THEMIS: variants seen among roughly 807,000 people sequenced by gnomAD.
THEMIS encodes the protein protein THEMIS.
In THEMIS, 37 loss-of-function variants were observed where a neutral mutation model predicts 52.6. The observed-to-expected ratio is 0.70, with a 90% confidence interval of 0.54 to 0.93. The LOEUF is 0.93. THEMIS is among the 40% of genes least tolerant of loss of function. The pLI, the probability that THEMIS is intolerant of heterozygous loss-of-function variation, is 0.00. For missense variants in THEMIS, 808 were observed against 763.1 expected (o/e 1.06, Z -0.69); for synonymous variants, 292 against 272.7 (o/e 1.07, Z -0.70).
chr6:127,776,622 G>A (rs1271883305), intron 4 of THEMIS, among the ~76,000 whole-genome samples: 1 of 152,180 alleles, frequency 6.6e-6, no homozygotes, highest in African/African-American at 2.4e-5. Flanking sequence ...TAGAACCACC[G>A]AGTTAAGCTG....
intron 4 of THEMIS, among the ~76,000 whole-genome samples, chr6:127,737,568 G>A (rs1188238808): frequency 6.6e-6 from 1 of 152,138 alleles, no homozygotes; most frequent in Non-Finnish European, 1.5e-5. Context: ...TTGGCAAAGA[G>A]CTATGTAAAT....
chr6:127,704,743 A>C (rs1773778695), downstream of THEMIS, among the ~76,000 whole-genome samples: 1 of 152,142 alleles, frequency 6.6e-6, no homozygotes, highest in Admixed American at 6.5e-5. Context: ...AGATGATACA[A>C]ATGAGCTGTG....
At chr6:127,824,705 G>T (rs1473876459) in intron 3 of THEMIS, among the ~76,000 whole-genome samples, 9 of 152,164 alleles carry the variant, frequency 5.9e-5, no homozygotes, top group Non-Finnish European at 1.3e-4. Flanking sequence ...CACCGTGTTA[G>T]TCAGGATGGT....
intron 2 of THEMIS, among the ~76,000 whole-genome samples, chr6:127,847,244 C>T (rs1779249182): frequency 6.6e-6 from 1 of 151,976 alleles, no homozygotes; most frequent in African/African-American, 2.4e-5. Flanking sequence ...TGCCAACTTT[C>T]ACCACTTCTC....
chr6:127,856,945 T>C (rs1779638256), intron 1 of THEMIS, among the ~76,000 whole-genome samples: 1 of 151,960 alleles, frequency 6.6e-6, no homozygotes, highest in African/African-American at 2.4e-5. Flanking sequence ...TATACTTAAT[T>C]TTTTATGAGT....
At chr6:127,864,840 A>G (rs375453705) in intron 1 of THEMIS, among the ~76,000 whole-genome samples, 5 of 152,306 alleles carry the variant, frequency 3.3e-5, no homozygotes, top group Admixed American at 2.0e-4. Context: ...TAGAAGTCAG[A>G]AAAGCTGTTA....
chr6:127,816,075 C>T (rs1197969532), intron 3 of THEMIS, among the ~76,000 whole-genome samples: 7 of 152,156 alleles, frequency 4.6e-5, no homozygotes, highest in African/African-American at 1.4e-4. Flanking sequence ...TGAAATGATG[C>T]TAGCCTATCT....
chr6:127,902,979 C>A (rs895001236), upstream of THEMIS, among the ~76,000 whole-genome samples: 1 of 152,076 alleles, frequency 6.6e-6, no homozygotes, highest in Non-Finnish European at 1.5e-5. Flanking sequence ...CAATCTCTTA[C>A]AATTACCTAG....
chr6:127,755,369 A>G (rs1299244669), intron 4 of THEMIS, among the ~76,000 whole-genome samples: 1 of 152,224 alleles, frequency 6.6e-6, no homozygotes, highest in Admixed American at 6.5e-5. Context: ...CAACAGAAGA[A>G]TCAATGAACA....
intron 4 of THEMIS, among the ~76,000 whole-genome samples, chr6:127,759,408 C>A (rs2114377893): frequency 6.6e-6 from 1 of 152,198 alleles, no homozygotes; most frequent in East Asian, 1.9e-4. Context: ...ATTCAACTAC[C>A]CTCCAAGGGG....
intron 4 of THEMIS, among the ~76,000 whole-genome samples, chr6:127,810,139 T>C (rs937992710): frequency 3.9e-5 from 6 of 152,096 alleles, no homozygotes; most frequent in Non-Finnish European, 8.8e-5. Flanking sequence ...TCTCTCCTAA[T>C]AAAACACTTA....
intron 4 of THEMIS, among the ~76,000 whole-genome samples, chr6:127,758,295 A>G (rs922656051): frequency 1.3e-5 from 2 of 150,496 alleles, no homozygotes; most frequent in African/African-American, 4.8e-5. Context: ...TACATAATCA[A>G]TTTCTACACT....
intron 1 of THEMIS, among the ~76,000 whole-genome samples, chr6:127,863,506 G>A (rs1425596876): frequency 1.3e-5 from 2 of 152,152 alleles, no homozygotes; most frequent in African/African-American, 4.8e-5. Context: ...AAATCATACA[G>A]AAAACAATTA....
chr6:127,862,033 A>G (rs1779820086), intron 1 of THEMIS, among the ~76,000 whole-genome samples: 4 of 152,140 alleles, frequency 2.6e-5, no homozygotes, highest in African/African-American at 9.7e-5. Flanking sequence ...TTTTGGAAGC[A>G]CTTCCAGAAG....
chr6:127,764,694 A>G (rs1339685719), intron 4 of THEMIS, among the ~76,000 whole-genome samples: 2 of 152,018 alleles, frequency 1.3e-5, no homozygotes, highest in Non-Finnish European at 2.9e-5. Context: ...CAGTTTGGGT[A>G]TTGTCCTCCC....
intron 4 of THEMIS, among the ~76,000 whole-genome samples, chr6:127,756,645 C>T (rs796501067): frequency 9.9e-5 from 15 of 152,196 alleles, no homozygotes; most frequent in African/African-American, 2.6e-4. Context: ...AGAAGGATTA[C>T]GTCTTTCTAG....
chr6:127,800,043 T>G (rs1384820838), intron 4 of THEMIS, among the ~76,000 whole-genome samples: 1 of 152,194 alleles, frequency 6.6e-6, no homozygotes, highest in African/African-American at 2.4e-5. Context: ...GTTCATTATT[T>G]ATACCTGAAA....
intron 4 of THEMIS, among the ~76,000 whole-genome samples, chr6:127,733,945 A>G (rs1050546158): frequency 1.3e-5 from 2 of 152,232 alleles, no homozygotes; most frequent in African/African-American, 2.4e-5. Flanking sequence ...GGGCATTAAA[A>G]TATTACCAGT....
At chr6:127,727,805 T>G (rs1282220535) in intron 4 of THEMIS, among the ~76,000 whole-genome samples, 1 of 152,130 alleles carries the variant, frequency 6.6e-6, no homozygotes, top group Admixed American at 6.6e-5. Flanking sequence ...GTGCCCCACA[T>G]AGGATGTGGT....
Sources: allele counts gnomAD v4.1 joint callset (sites outside exome capture counted in the v4.1 genomes callset), GRCh38; gene constraint gnomAD v4.1.1; transcripts MANE v1.5; gene names NCBI Gene and HGNC (gene_info 2026-07-23, HGNC 2026-07-21).